The following FER1L5 variants were observed in gnomAD, a reference collection of about 807,000 sequenced individuals.
FER1L5 encodes fer-1 like family member 5.
FER1L5 carries 187 observed loss-of-function variants against 279.9 expected under a neutral mutation model. The ratio of observed to expected loss-of-function variants is 0.67; its 90% confidence interval spans 0.59 to 0.75. FER1L5 has a LOEUF of 0.75. Among genes scored for constraint, FER1L5 ranks in the 30% least tolerant of loss-of-function variants. FER1L5 has a pLI of 0.00. For synonymous variants in FER1L5, 921 were observed against 989.7 expected (o/e 0.93, Z 1.30); for missense variants, 2,091 against 2,594.4 (o/e 0.81, Z 4.21).
At chr2:96,692,692 T>G (rs985932964) in intron 31 of FER1L5, among the ~76,000 whole-genome samples, 3 of 152,174 alleles carry the variant, frequency 2.0e-5, no homozygotes, top group Non-Finnish European at 4.4e-5. Flanking sequence ...TCCTTGGTCC[T>G]GTGAGGACGC....
intron 6 of FER1L5, among the ~76,000 whole-genome samples, chr2:96,651,674 T>C (rs979961988): frequency 6.6e-6 from 1 of 151,954 alleles, no homozygotes; most frequent in African/African-American, 2.4e-5. Flanking sequence ...CTAATTTTTT[T>C]GTAATTTTTG....
At position 96,690,484 on chromosome 2, in the gene FER1L5, C is replaced by A; in HGVS notation, c.2641-3C>A. The A allele has an allele frequency of 6.4e-7, 1 of 1,551,386 alleles. No homozygotes were observed. The highest frequency in any genetic ancestry group is 1.4e-5 in the African/African-American group (1 of 73,168). On this transcript the variant is annotated splice_polypyrimidine_tract_variant and splice_region_variant and intron_variant, in intron 26 of 52. Transcript: ENST00000624922. ...CTCGCTCGCCCTCTCTGTCCACCTG[C>A]AGAATGGACAGCCCATGGAGGCCCG... is the stretch of plus-strand genomic sequence containing the variant.
rs200157996 is a variant in FER1L5 at position 96,659,359 on chromosome 2, TTCC to T, written c.748-980_748-978del. Among the ~76,000 whole-genome samples, 356 of 70,544 alleles carry T rather than the reference TTCC, an allele frequency of 5.0e-3. 27 individuals carry two copies. The highest frequency in any genetic ancestry group is 0.012 in the South Asian group (7 of 576). 46.3% of individuals were successfully genotyped at this position (70,544 alleles called of 152,430 possible). On this transcript the variant is annotated intron_variant, in intron 9 of 52. Transcript: ENST00000624922. Reference sequence around the variant, plus strand: ...CTTCCTTCCTTCCTTCCTTCCTTCCTTCCTTCTTTCTTTCTTTCTTTCTTTCTT... The same window carrying T: ...CTTCCTTCCTTCCTTCCTTCCTTCCTTTCTTTCTTTCTTTCTTTCTTTCTT...
intron 14 of FER1L5, among the ~76,000 whole-genome samples, chr2:96,667,381 C>T (rs1457778410): frequency 6.9e-6 from 1 of 144,882 alleles, no homozygotes; most frequent in African/African-American, 2.6e-5. Flanking sequence ...GAGTTTCGCT[C>T]TTGTTGCCTA....
rs532541836 is a variant in FER1L5, at chr2:96,661,544, C to T, written c.894+104C>T. 5 of 1,506,926 alleles carry T rather than the reference C, an allele frequency of 3.3e-6. No homozygotes were observed. In the East Asian group the frequency reaches 9.8e-5, roughly 30 times the overall value. The allele number at this position is 1,506,926 out of a possible 1,614,324, so 93.3% of individuals were successfully genotyped here. A position where few individuals can be genotyped will look rare whatever the true frequency, so the allele number is the denominator to read the frequency against. The stretch of plus-strand genomic sequence containing the variant: ...GACCATCACATCTCTCCTTTGTCCG[C>T]TGCGTCACTGCAGGGTTGTCCCATC... On this transcript the variant is annotated intron_variant, in intron 11 of 52. Coordinates refer to ENST00000624922, the MANE Select transcript of FER1L5 (RefSeq NM_001293083.2).
intron 12 of FER1L5, among the ~76,000 whole-genome samples, 167 bp from the exon 13 acceptor site, chr2:96,662,048 G>T (rs2075974708): frequency 6.6e-6 from 1 of 152,162 alleles, no homozygotes; most frequent in Non-Finnish European, 1.5e-5. Flanking sequence ...CCCACCCCAT[G>T]CCATTGTGTG....
chr2:96,669,183 C>T (rs1283999697), intron 17 of FER1L5, 46 bp downstream of exon 17: 3 of 1,517,176 alleles, frequency 2.0e-6, no homozygotes, highest in Non-Finnish European at 2.7e-6. Flanking sequence ...GGTAGAGCTT[C>T]CCCATGTAAA....
intron 9 of FER1L5, among the ~76,000 whole-genome samples, chr2:96,658,634 C>A (rs905462902): frequency 4.6e-5 from 7 of 152,128 alleles, no homozygotes; most frequent in Admixed American, 6.6e-5. Flanking sequence ...TACATGCCCA[C>A]CAGTAGTGTA....
chr2:96,649,404 A>G (rs976719729), intron 4 of FER1L5, among the ~76,000 whole-genome samples: 4 of 152,150 alleles, frequency 2.6e-5, no homozygotes, highest in African/African-American at 7.2e-5. Context: ...TAATCTACAA[A>G]CATCCCCTCC....
intron 34 of FER1L5, 165 bp from the exon 35 acceptor site, chr2:96,695,344 C>T (rs2077329063): frequency 2.2e-6 from 2 of 895,038 alleles, no homozygotes; most frequent in Non-Finnish European, 3.2e-6. Context: ...GACGGGGAAG[C>T]CTGTCCTTGT....
intron 6 of FER1L5, 102 bp downstream of exon 6, chr2:96,650,391 C>T: frequency 1.1e-6 from 1 of 932,622 alleles, no homozygotes; most frequent in Non-Finnish European, 1.7e-6. Flanking sequence ...GGTAGAAGGG[C>T]AGAGCTTCAG....
chr2:96,644,479 CAGAAAGAA>C (rs914291456), intron 1 of FER1L5, among the ~76,000 whole-genome samples: 5 of 149,540 alleles, frequency 3.3e-5, no homozygotes, highest in South Asian at 2.1e-4. Flanking sequence ...AAGAGTCTGT[CAGAAAGAA>C]AGAAAGAGAG....
chr2:96,692,306 C>A (rs940375402), intron 31 of FER1L5, 125 bp downstream of exon 31: 4 of 994,012 alleles, frequency 4.0e-6, no homozygotes, highest in Non-Finnish European at 6.1e-6. Flanking sequence ...GCCTGTCGGC[C>A]CCTCACCAGC....
Position 96,700,361 on chromosome 2 carries a change from G to A in FER1L5, c.4960G>A (p.Gly1654Arg). Residue 1654 changes from glycine to arginine, a missense_variant, in exon 45 of 53, where the codon GGA (glycine) becomes AGA (arginine). Transcript: ENST00000624922. ...CAAAACCCCTACTGTTCATGGTTTG[G>A]GACCCAAGAAGGAACGCCTTGCACT... is the stretch of plus-strand genomic sequence containing the variant. The part of the protein sequence containing the change: ...EPKTPTVHGL[G>R]PKKERLALYL... 6.2e-7 allele frequency: 1 copy of A among 1,613,562 alleles called. No individual in the cohort carries two copies. Among genetic ancestry groups the A allele is most frequent in the Non-Finnish European group, 8.5e-7 (1 of 1,179,870 alleles).
chr2:96,688,029 C>T (rs2076998226), intron 24 of FER1L5, 82 bp downstream of exon 24: 1 of 1,516,116 alleles, frequency 6.6e-7, no homozygotes, highest in Non-Finnish European at 8.9e-7. Context: ...GAGATGGCCT[C>T]CCTGCAGGGG....
At chr2:96,668,713 A>G in intron 14 of FER1L5, 38 bp from the exon 15 acceptor site, 4 of 1,550,810 alleles carry the variant, frequency 2.6e-6, no homozygotes, top group Non-Finnish European at 3.5e-6. Context: ...AGACCATCCC[A>G]ATGTGTACCC....
In FER1L5 at chr2:96,662,261, G is replaced by A; in HGVS notation, c.1065G>A (p.Gly355=). The A allele has an allele frequency of 6.4e-7, 1 of 1,551,536 alleles. No homozygotes were observed. Among genetic ancestry groups the A allele is most frequent in the Non-Finnish European group, 8.7e-7 (1 of 1,146,888 alleles). Residue 355 remains glycine (G), a synonymous_variant, in exon 13 of 53, where the codon GGG becomes GGA. Transcript: ENST00000624922. The part of the protein sequence containing the change: ...VNPQLEVELI[G]EKLRTHMQTQ... ...CTCAGTTGGAGGTGGAACTAATTGG[G>A]GAAAAGGTAAGTGTAGAAATATTCT...
chr2:96,681,514 G>A (rs1212013214), intron 19 of FER1L5, among the ~76,000 whole-genome samples: 3 of 152,300 alleles, frequency 2.0e-5, no homozygotes, highest in Admixed American at 2.0e-4. Context: ...GTGAGCAGCT[G>A]AGAACCAGTG....
In FER1L5 at chr2:96,660,253, A is replaced by C. The variant is rs939375243; in HGVS notation, c.748-88A>C. On this transcript the variant is annotated intron_variant, in intron 9 of 52. Transcript: ENST00000624922. ...AGGGCAGAGAACATACTGAAGCCCC[A>C]ACAGCTAGCAGTTGGGTCAGGTTAG... 9 of 1,401,512 alleles carry C rather than the reference A, an allele frequency of 6.4e-6. No homozygotes were observed. The Admixed American group carries it at 1.8e-4, about 28-fold the overall frequency. The allele number at this position is 1,401,512 out of a possible 1,614,324, so 86.8% of individuals were successfully genotyped here.
Sources: gnomAD v4.1 joint callset for allele counts (sites outside exome capture counted in the v4.1 genomes callset) on GRCh38, gnomAD v4.1.1 for gene constraint, MANE v1.5 for transcripts, NCBI Gene and HGNC (gene_info 2026-07-23, HGNC 2026-07-21) for gene names.